PDE1C: variants seen among roughly 807,000 people sequenced by gnomAD.
PDE1C encodes the protein dual specificity calcium/calmodulin-dependent 3',5'-cyclic nucleotide phosphodiesterase 1C.
Under a neutral mutation model 93.1 loss-of-function variants are expected in PDE1C, and 62 were observed. The observed-to-expected ratio is 0.67, with a 90% CI of 0.54 to 0.82. The LOEUF (loss-of-function observed/expected upper bound fraction) is 0.82. PDE1C is among the 40% of genes least tolerant of loss of function. The pLI is 0.00. For missense variants in PDE1C, 742 were observed against 884.6 expected, an observed-to-expected ratio of 0.84 and a Z score of 2.04; for synonymous variants, 325 against 310.1, an observed-to-expected ratio of 1.05 and a Z score of -0.50.
chr7:32,057,853 C>T (rs1794319487), intron 1 of PDE1C, among the ~76,000 whole-genome samples: 2 of 152,178 alleles, frequency 1.3e-5, no homozygotes, highest in Admixed American at 6.5e-5. Context: ...CAGAATCAAA[C>T]AGATGATTTG....
the PDE1C span, among the ~76,000 whole-genome samples, chr7:31,644,798 G>T: frequency 1.3e-5 from 2 of 151,668 alleles, no homozygotes; most frequent in South Asian, 2.1e-4. Context: ...CACTTGTATA[G>T]AGAGTTGAAA....
chr7:31,823,206 G>C lies in PDE1C; in HGVS notation c.1449C>G (p.Val483=). The C allele has an allele frequency of 6.2e-7, 1 of 1,612,852 alleles. No homozygotes were observed. Among genetic ancestry groups the C allele is most frequent in the East Asian group, 2.2e-5 (1 of 44,792 alleles). The change falls in exon 14 of 18, where the codon GTC becomes GTG. Residue 483 remains valine (V), a synonymous_variant. Coordinates refer to ENST00000396191, the MANE Select transcript of PDE1C (RefSeq NM_001191057.4). The part of the protein sequence containing the change: ...ISSSDAKRSG[V]KTSGSEGSAP... ...CACTTCCCTCTGAACCAGAGGTCTT[G>C]ACACCTGATCGCTTGGCATCTGACG...
At chr7:31,783,805 A>G (rs1783643058) in intron 16 of PDE1C, 1 of 152,216 alleles carries the variant, frequency 6.6e-6, no homozygotes, top group Admixed American at 6.5e-5. Flanking sequence ...ACTCTTCCTC[A>G]GAATGGATGG....
rs879281941 is a variant in PDE1C, at chr7:32,374,756, T to C, written c.310+53066A>G. ...GGGGTGCTTTGCTATGCAGCAATAG[T>C]CCAGAACAGATGTTCAAAAGGTAAA... is the stretch of plus-strand genomic sequence containing the variant. On this transcript the variant is annotated intron_variant, in intron 1 of 1. Coordinates refer to the PDE1C transcript ENST00000672256. Among the ~76,000 whole-genome samples the C allele has an allele frequency of 2.6e-4, 40 of 152,224 alleles. 1 individual carries two copies. The highest frequency in any genetic ancestry group is 8.9e-4 in the African/African-American group (37 of 41,458).
chr7:32,087,872 G>A, intron 3 of PDE1C, among the ~76,000 whole-genome samples: 1 of 148,248 alleles, frequency 6.7e-6, no homozygotes, highest in African/African-American at 2.5e-5. Flanking sequence ...GAGGGGGGAG[G>A]GATAGCATTA....
intron 1 of PDE1C, among the ~76,000 whole-genome samples, chr7:32,371,396 C>T (rs1300751012): frequency 6.6e-6 from 1 of 152,164 alleles, no homozygotes; most frequent in East Asian, 1.9e-4. Flanking sequence ...TGAGTTATTA[C>T]TTGATTAATG....
At chr7:32,353,560 T>G (rs1476086488) in intron 1 of PDE1C, among the ~76,000 whole-genome samples, 1 of 150,880 alleles carries the variant, frequency 6.6e-6, no homozygotes, top group African/African-American at 2.4e-5. Context: ...GTTTTTGTTT[T>G]TTTTTTTTTT....
chr7:32,262,643 T>C (rs1479063090), intron 1 of PDE1C, among the ~76,000 whole-genome samples: 2 of 152,194 alleles, frequency 1.3e-5, no homozygotes, highest in Non-Finnish European at 2.9e-5. Context: ...GTACCCAATG[T>C]AAACCAGTGA....
chr7:32,133,138 G>A (rs969050918), intron 3 of PDE1C, among the ~76,000 whole-genome samples: 6 of 152,090 alleles, frequency 3.9e-5, no homozygotes, highest in Non-Finnish European at 7.4e-5. Context: ...CAGGTGGGAT[G>A]GGCAAAGTAA....
chr7:31,863,450 A>G (rs4404828), intron 7 of PDE1C, among the ~76,000 whole-genome samples: 152,279 of 152,282 alleles, frequency 1, 76,138 homozygotes, highest in Non-Finnish European at 1. Flanking sequence ...CCAAGTAGGA[A>G]TATTAATGTG....
chr7:31,869,853 C>T (rs957889777), intron 6 of PDE1C, among the ~76,000 whole-genome samples: 1 of 151,914 alleles, frequency 6.6e-6, no homozygotes, highest in Non-Finnish European at 1.5e-5. Context: ...CCAGCCTAGA[C>T]CATATGTTAG....
intron 3 of PDE1C, among the ~76,000 whole-genome samples, chr7:32,127,736 C>T (rs1176701692): frequency 1.3e-5 from 2 of 151,800 alleles, no homozygotes; most frequent in South Asian, 2.1e-4. Context: ...TTAATAAGGA[C>T]TAGTATAAGA....
rs78474681 is a variant in PDE1C, at chr7:32,316,332, G to A, written c.311-106793C>T. Among the ~76,000 whole-genome samples the A allele has an allele frequency of 8.7e-3, 1,324 of 152,238 alleles. 35 individuals are homozygous for A. The highest frequency in any genetic ancestry group is 0.041 in the Admixed American group (624 of 15,292). ...TATGAGATGGTCCATGTTTACCAACGATAGAATAAACAAGAACGCACATCT... is the reference window on the plus strand; with the variant it reads ...TATGAGATGGTCCATGTTTACCAACAATAGAATAAACAAGAACGCACATCT... On this transcript the variant is annotated intron_variant, in intron 1 of 1. Transcript: ENST00000672256.
At chr7:31,692,282 T>C in the PDE1C span, 1 of 597,706 alleles carries the variant, frequency 1.7e-6, no homozygotes, top group Non-Finnish European at 2.8e-6. Flanking sequence ...GAAGCACACA[T>C]AAAGAAACAG....
At chr7:31,648,442 A>G in the PDE1C span, among the ~76,000 whole-genome samples, 1 of 152,152 alleles carries the variant, frequency 6.6e-6, no homozygotes, top group East Asian at 1.9e-4. Context: ...TTCTATACTT[A>G]TTCTAGGGCT....
At chr7:32,155,523 A>C (rs1207570437) in intron 3 of PDE1C, among the ~76,000 whole-genome samples, 1 of 152,226 alleles carries the variant, frequency 6.6e-6, no homozygotes, top group Non-Finnish European at 1.5e-5. Flanking sequence ...GTGGTTGCTC[A>C]GTGCTGATGG....
chr7:31,808,334 A>G (rs1374698726), intron 16 of PDE1C: 1 of 293,862 alleles, frequency 3.4e-6, no homozygotes, highest in South Asian at 3.4e-5. Context: ...GGGGATAACT[A>G]GTAATGAACC....
chr7:32,286,046 G>C (rs1297344689), intron 1 of PDE1C, among the ~76,000 whole-genome samples: 2 of 152,180 alleles, frequency 1.3e-5, no homozygotes, highest in Non-Finnish European at 2.9e-5. Context: ...GAGGTCAGTA[G>C]GCACTAACTA....
At chr7:31,884,901 G>A (rs1797691705) in intron 2 of PDE1C, among the ~76,000 whole-genome samples, 1 of 152,146 alleles carries the variant, frequency 6.6e-6, no homozygotes, top group African/African-American at 2.4e-5. Flanking sequence ...CTGAAAATTA[G>A]CCAGGATCTT....
Sources: allele counts gnomAD v4.1 joint callset (sites outside exome capture counted in the v4.1 genomes callset), GRCh38; gene constraint gnomAD v4.1.1; transcripts MANE v1.5; gene names NCBI Gene and HGNC (gene_info 2026-07-23, HGNC 2026-07-21).